The following TTYH2 variants were observed in gnomAD, a reference collection of about 807,000 sequenced individuals.
TTYH2 encodes the protein tweety family member 2.
A neutral mutation model predicts 68.3 loss-of-function variants in TTYH2; 49 were observed. The ratio of observed to expected loss-of-function variants is 0.72; its 90% CI spans 0.57 to 0.91. The LOEUF (loss-of-function observed/expected upper bound fraction) is 0.91. Among genes scored for constraint, TTYH2 ranks in the 40% least tolerant of loss-of-function variants. TTYH2 has a pLI of 0.00. For missense variants in TTYH2, 631 were observed against 700.4 expected (o/e 0.90, Z 1.12); for synonymous variants, 272 against 300.8 (o/e 0.90, Z 0.99).
At position 74,241,465 on chromosome 17, in the gene TTYH2, C is replaced by A. The variant is rs150764811; in HGVS notation, c.636-1909C>A. 1.2e-3 allele frequency among the ~76,000 whole-genome samples: 186 copies of A among 152,270 alleles called. No homozygotes were observed. The highest frequency in any genetic ancestry group is 2.2e-3 in the Non-Finnish European group (150 of 68,008). On this transcript the variant is annotated intron_variant, in intron 4 of 13. Transcript: ENST00000269346. The surrounding 1 kb of genome is among the most constrained non-coding windows in gnomAD (Gnocchi z 4.1). ...CCCAGAGACCTAGTGTGTGCTGCCC[C>A]CTGCTCGTGCAGAGACAAGGACTTT...
chr17:74,255,369 G>A (rs2050682891), intron 13 of TTYH2, among the ~76,000 whole-genome samples: 1 of 152,196 alleles, frequency 6.6e-6, no homozygotes, highest in African/African-American at 2.4e-5. Context: ...GAGTGCCGTA[G>A]GACAGTGAGC....
rs1041658971 is a variant in TTYH2, at chr17:74,239,441, G to A, written c.635+1927G>A. ...GCTCCTCTTCAAGCCATTGATGAAC[G>A]TCAGAGCCTTTAGCTCAGGGTTGCA... On this transcript the variant is annotated intron_variant, in intron 4 of 13. Coordinates refer to ENST00000269346, the MANE Select transcript of TTYH2 (RefSeq NM_032646.6). This position sits in a 1 kb window ranked among gnomAD's most constrained non-coding sequence, Gnocchi z 5.3. Among the ~76,000 whole-genome samples, 4 of 152,156 alleles carry A rather than the reference G, an allele frequency of 2.6e-5. No homozygotes were observed. Among genetic ancestry groups the A allele is most frequent in the Admixed American group, 6.5e-5 (1 of 15,276 alleles).
Position 74,243,406 on chromosome 17 carries a change from A to T in TTYH2, c.668A>T (p.Asp223Val). The T allele has an allele frequency of 6.2e-7, 1 of 1,614,084 alleles. No homozygotes were observed. The highest frequency in any genetic ancestry group is 8.5e-7 in the Non-Finnish European group (1 of 1,180,008). ...WLSYLLLFIL[D>V]LVICLIACLG... The stretch of plus-strand genomic sequence containing the variant: ...TCCTACCTCCTGCTCTTTATCCTGG[A>T]CCTGGTCATCTGCCTCATTGCCTGC... The change falls in exon 5 of 14, where the codon GAC (aspartate) becomes GTC (valine). Residue 223 changes from aspartate to valine, a missense_variant. Physicochemically the swap from Asp to Val is radical, Grantham distance 152. Coordinates refer to ENST00000269346, the MANE Select transcript of TTYH2 (RefSeq NM_032646.6).
chr17:74,251,300 T>C (rs1361612643), intron 10 of TTYH2, among the ~76,000 whole-genome samples: 1 of 149,622 alleles, frequency 6.7e-6, no homozygotes, highest in Non-Finnish European at 1.5e-5. Flanking sequence ...GTGGTGTGTG[T>C]GCATGTGTGT....
intron 6 of TTYH2, chr17:74,248,198 C>G: frequency 1.1e-6 from 1 of 889,500 alleles, no homozygotes; most frequent in Non-Finnish European, 1.3e-6. Context: ...GGCCAGAGGA[C>G]CTGAGCTCTC....
intron 3 of TTYH2, among the ~76,000 whole-genome samples, chr17:74,237,053 C>T (rs1417313175): frequency 6.6e-6 from 1 of 151,988 alleles, no homozygotes; most frequent in East Asian, 1.9e-4. Context: ...CATGCCACCA[C>T]ACCTGGCTAA....
intron 6 of TTYH2, among the ~76,000 whole-genome samples, chr17:74,246,505 AG>A (rs2050559140): frequency 7.5e-6 from 1 of 133,940 alleles, no homozygotes; most frequent in African/African-American, 4.1e-5. Context: ...TCATCATGCT[AG>A]GGTCACGGGG....
At position 74,252,255 on chromosome 17, in the gene TTYH2, G is replaced by A; in HGVS notation, c.1138G>A (p.Gly380Ser). 1 of 1,613,248 alleles carries A rather than the reference G, an allele frequency of 6.2e-7. No homozygotes were observed. Among genetic ancestry groups the A allele is most frequent in the South Asian group, 1.1e-5 (1 of 91,076 alleles). Residue 380 changes from glycine (G) to serine (S), a missense_variant, in exon 11 of 14, where the codon GGC becomes AGC. Transcript: ENST00000269346. The stretch of plus-strand genomic sequence containing the variant: ...CCAGGATTATCTGGACGCTCTTGCT[G>A]GCATCTGCTACGACGGCCTCCAGGG... The part of the protein sequence containing the change: ...LHKDYLDALA[G>S]ICYDGLQGLL...
intron 10 of TTYH2, among the ~76,000 whole-genome samples, chr17:74,251,635 C>T (rs1598232350): frequency 6.7e-6 from 1 of 148,844 alleles, no homozygotes; most frequent in Admixed American, 6.6e-5. Context: ...GGTCCTGCCC[C>T]TCCAGCAGAC....
At chr17:74,249,842 C>T (rs1489285097) in intron 8 of TTYH2, 94 bp from the exon 9 acceptor site, 16 of 1,174,076 alleles carry the variant, frequency 1.4e-5, no homozygotes, top group Non-Finnish European at 1.7e-5. Context: ...GCATAGGCCC[C>T]TCAGCCACTG....
chr17:74,226,931 G>T (rs374855564), intron 2 of TTYH2, among the ~76,000 whole-genome samples: 2 of 152,008 alleles, frequency 1.3e-5, no homozygotes, highest in East Asian at 1.9e-4. Context: ...CAGCCAAGGC[G>T]ATTTTTCTTT....
At chr17:74,230,819 T>A (rs2050380552) in intron 2 of TTYH2, 69 bp from the exon 3 acceptor site, 1 of 1,540,442 alleles carries the variant, frequency 6.5e-7, no homozygotes, top group Non-Finnish European at 8.9e-7. Context: ...CCTAAGCTTA[T>A]TTTTTAATAT....
chr17:74,259,666 C>T (rs1017840996), intron 13 of TTYH2, among the ~76,000 whole-genome samples: 6 of 152,148 alleles, frequency 3.9e-5, no homozygotes, highest in East Asian at 3.8e-4. Context: ...CATATCATTT[C>T]GCCCTTTCAA....
At chr17:74,233,451 T>C (rs1462924618) in intron 3 of TTYH2, among the ~76,000 whole-genome samples, 5 of 152,128 alleles carry the variant, frequency 3.3e-5, no homozygotes, top group African/African-American at 9.7e-5. Context: ...TGATTATGAG[T>C]GCTATTAATT....
intron 2 of TTYH2, among the ~76,000 whole-genome samples, chr17:74,225,859 C>G (rs140227189): frequency 1.3e-5 from 2 of 152,300 alleles, no homozygotes; most frequent in African/African-American, 4.8e-5. Context: ...AGAGGAGGGA[C>G]AGGTCCAGGC....
At chr17:74,256,704 C>CA (rs34797844) in intron 13 of TTYH2, among the ~76,000 whole-genome samples, 63,158 of 151,972 alleles carry the variant, frequency 0.42, 13,782 homozygotes, top group African/African-American at 0.53. Flanking sequence ...GGCTGGAGTA[C>CA]GTGGTGCAAT....
At chr17:74,236,002 A>G (rs552245925) in intron 3 of TTYH2, among the ~76,000 whole-genome samples, 34 of 152,186 alleles carry the variant, frequency 2.2e-4, no homozygotes, top group Non-Finnish European at 4.1e-4. Context: ...GTACCTTTAA[A>G]TATAAATAAA....
Position 74,219,148 on chromosome 17 carries a change from C to T in TTYH2, c.130-3337C>T, listed in dbSNP as rs368510038. 2.3e-4 allele frequency among the ~76,000 whole-genome samples: 34 copies of T among 150,650 alleles called. No individual in the cohort carries two copies. In the East Asian group the frequency reaches 3.5e-3, roughly 16 times the overall value. On this transcript the variant is annotated intron_variant, in intron 1 of 13. Coordinates refer to ENST00000269346, the MANE Select transcript of TTYH2 (RefSeq NM_032646.6). ...AGGAGAATCACTTGAACCTGGGAGG[C>T]GGAGGTTATAGTCAGCCGAGATCAC...
chr17:74,241,842 G>A lies in TTYH2; in HGVS notation c.636-1532G>A, dbSNP rs987768240. Among the ~76,000 whole-genome samples, 3 of 152,206 alleles carry A rather than the reference G, an allele frequency of 2.0e-5. No homozygotes were observed. The highest frequency in any genetic ancestry group is 4.4e-5 in the Non-Finnish European group (3 of 68,034). Reference sequence around the variant, plus strand: ...CCGCTGGTGCCCAGCACAGGGTAAAGGGCATGGCTGCCAGGGGAGACCACT... The same window carrying A: ...CCGCTGGTGCCCAGCACAGGGTAAAAGGCATGGCTGCCAGGGGAGACCACT... On this transcript the variant is annotated intron_variant, in intron 4 of 13. Coordinates refer to ENST00000269346, the MANE Select transcript of TTYH2 (RefSeq NM_032646.6). The surrounding 1 kb of genome is among the most constrained non-coding windows in gnomAD (Gnocchi z 4.1).
Sources: allele counts gnomAD v4.1 joint callset (sites outside exome capture counted in the v4.1 genomes callset), GRCh38; gene constraint gnomAD v4.1.1; non-coding constraint Gnocchi (gnomAD v3.1); transcripts MANE v1.5; gene names NCBI Gene and HGNC (gene_info 2026-07-23, HGNC 2026-07-21).